COL4A6: variants seen among roughly 807,000 people sequenced by gnomAD.
COL4A6 encodes collagen type IV alpha 6 chain.
In COL4A6, 59 loss-of-function variants were observed where a neutral mutation model predicts 126.7. The observed-to-expected ratio is 0.47, with a 90% CI of 0.38 to 0.58. The LOEUF (loss-of-function observed/expected upper bound fraction) is 0.58, where lower values mean the gene tolerates loss of function less well. Ranked by LOEUF, COL4A6 falls within the 20% of genes least tolerant of loss-of-function variation. COL4A6 has a pLI of 0.00. For synonymous variants in COL4A6, 547 were observed against 496.6 expected (o/e 1.10, Z -1.35); for missense variants, 1,285 against 1,337.3 (o/e 0.96, Z 0.61).
chrX:108,335,101 C>G (rs2039399077), intron 2 of COL4A6, among the ~76,000 whole-genome samples: 1 of 112,194 alleles, frequency 8.9e-6, no homozygotes, highest in Admixed American at 9.4e-5. Context: ...TGGAAAAACT[C>G]TTTATGACCA....
intron 7 of COL4A6, among the ~76,000 whole-genome samples, chrX:108,210,503 G>A (rs2035671489): frequency 8.9e-6 from 1 of 112,621 alleles, no homozygotes; most frequent in South Asian, 3.7e-4. Flanking sequence ...GCATGAATCA[G>A]TAATATAACC....
intron 3 of COL4A6, among the ~76,000 whole-genome samples, chrX:108,272,402 C>T (rs964443703): frequency 3.6e-5 from 4 of 111,608 alleles, no homozygotes; most frequent in Admixed American, 1.9e-4. Flanking sequence ...CAGGCTGGTA[C>T]CTAGAACACT....
intron 3 of COL4A6, chrX:108,268,941 T>C (rs1602966247): frequency 3.8e-6 from 1 of 261,053 alleles, no homozygotes; most frequent in East Asian, 1.0e-4. Context: ...TCTACCATCA[T>C]AGAGGCCACT....
At chrX:108,427,610 G>A (rs774269426) in intron 2 of COL4A6, among the ~76,000 whole-genome samples, 1 of 111,607 alleles carries the variant, frequency 9.0e-6, no homozygotes, top group Non-Finnish European at 1.9e-5. Context: ...AATTGGATGG[G>A]TAGGCAGGGC....
intron 23 of COL4A6, among the ~76,000 whole-genome samples, chrX:108,181,292 C>G (rs1028313114): frequency 8.9e-6 from 1 of 112,578 alleles, no homozygotes; most frequent in African/African-American, 3.2e-5. Flanking sequence ...GGAACAGCAG[C>G]AAACAGCAAT....
intron 3 of COL4A6, among the ~76,000 whole-genome samples, chrX:108,271,812 G>A (rs1046194730): frequency 1.8e-5 from 2 of 112,169 alleles, no homozygotes; most frequent in Admixed American, 9.4e-5. Flanking sequence ...GGAGAAAGAA[G>A]CAAACTACTT....
intron 8 of COL4A6, among the ~76,000 whole-genome samples, chrX:108,207,197 C>A (rs759437565): frequency 9.0e-6 from 1 of 110,701 alleles, no homozygotes; most frequent in South Asian, 3.9e-4. Context: ...GAACTCTTGT[C>A]TACTATTTAC....
intron 3 of COL4A6, among the ~76,000 whole-genome samples, chrX:108,226,303 G>T (rs1220579527): frequency 8.9e-6 from 1 of 112,239 alleles, no homozygotes; most frequent in Admixed American, 9.4e-5. Context: ...GGGCACCAAT[G>T]CTCCTTCTCT....
At chrX:108,333,343 A>G (rs1179452405) in intron 2 of COL4A6, among the ~76,000 whole-genome samples, 2 of 111,893 alleles carry the variant, frequency 1.8e-5, no homozygotes, top group Non-Finnish European at 3.8e-5. Flanking sequence ...AGATGCAGAA[A>G]AAACATTCGA....
At chrX:108,165,063 C>T (rs771942739) in intron 38 of COL4A6, 25 bp from the exon 39 acceptor site, 14 of 1,184,852 alleles carry the variant, frequency 1.2e-5, no homozygotes, top group Middle Eastern at 2.7e-4. Context: ...GGAAGAGGGG[C>T]GAGGGGCAGG....
chrX:108,229,524 T>C (rs991962558), intron 3 of COL4A6, among the ~76,000 whole-genome samples: 7 of 112,263 alleles, frequency 6.2e-5, no homozygotes, highest in African/African-American at 2.3e-4. Flanking sequence ...TCTAAAAATC[T>C]GCATTTCTAA....
At chrX:108,325,500 T>G (rs1445697287) in intron 2 of COL4A6, among the ~76,000 whole-genome samples, 1 of 111,652 alleles carries the variant, frequency 9.0e-6, no homozygotes, top group Non-Finnish European at 1.9e-5. Flanking sequence ...CTGGGCTAGA[T>G]GGCCTCACTG....
intron 2 of COL4A6, among the ~76,000 whole-genome samples, chrX:108,407,956 A>C (rs963977263): frequency 1.8e-5 from 2 of 110,341 alleles, no homozygotes; most frequent in African/African-American, 6.6e-5. Context: ...TAACCCTCAA[A>C]CCCCCCTGAG....
chrX:108,228,454 G>A (rs2036226480), intron 3 of COL4A6, among the ~76,000 whole-genome samples: 1 of 112,472 alleles, frequency 8.9e-6, no homozygotes, highest in East Asian at 2.8e-4. Context: ...GAAACACACT[G>A]CATGGCCCAT....
intron 42 of COL4A6, 93 bp downstream of exon 42, chrX:108,161,526 G>A (rs2033934635): frequency 1.8e-6 from 1 of 556,569 alleles, no homozygotes. Context: ...GGTTTATTAA[G>A]TTTCAGACTT....
At chrX:108,322,607 T>A (rs1246182989) in intron 2 of COL4A6, among the ~76,000 whole-genome samples, 1 of 111,938 alleles carries the variant, frequency 8.9e-6, no homozygotes, top group Non-Finnish European at 1.9e-5. Flanking sequence ...ATCCAACAAG[T>A]AAATGCTTAA....
intron 3 of COL4A6, among the ~76,000 whole-genome samples, chrX:108,298,962 A>G (rs757849622): frequency 9.0e-6 from 1 of 111,255 alleles, no homozygotes; most frequent in African/African-American, 3.3e-5. Flanking sequence ...ATGGGACCCC[A>G]GTTCTGATAA....
In COL4A6 at chrX:108,176,843, T is replaced by C. The variant is rs1159804995; in HGVS notation, c.2684A>G (p.Lys895Arg). 2.5e-6 allele frequency: 3 copies of C among 1,204,316 alleles called. No homozygotes were observed. Among genetic ancestry groups the C allele is most frequent in the East Asian group, 5.9e-5 (2 of 33,713 alleles). The change falls in exon 28 of 45, where the codon AAG becomes AGG. Residue 895 changes from lysine (K) to arginine (R), a missense_variant and splice_region_variant. Transcript: ENST00000334504. ...VAGLPALSGPKGEKGSVGFVG... is the reference protein window; with the variant it reads ...VAGLPALSGPRGEKGSVGFVG... ...ACTTCACTGATCACTTCACTTACCC[T>C]TGGGTCCAGAGAGGGCTGGCAACCC...
intron 3 of COL4A6, among the ~76,000 whole-genome samples, chrX:108,231,077 C>CTACATACA (rs112392457): frequency 0.017 from 1,751 of 105,828 alleles, 33 homozygotes; most frequent in African/African-American, 0.049. Flanking sequence ...CCCTTTCCAT[C>CTACATACA]TACATACATA....
Sources: allele counts gnomAD v4.1 joint callset (sites outside exome capture counted in the v4.1 genomes callset), GRCh38; gene constraint gnomAD v4.1.1; transcripts MANE v1.5; gene names NCBI Gene and HGNC (gene_info 2026-07-23, HGNC 2026-07-21).